Variants in SLC17A4 observed in about 807,000 individuals in gnomAD.
The protein encoded by SLC17A4 is probable small intestine urate exporter.
SLC17A4 carries 33 observed loss-of-function variants against 52.5 expected under a neutral mutation model. The ratio of observed to expected loss-of-function variants is 0.63; its 90% confidence interval spans 0.48 to 0.84. The LOEUF is 0.84. Among genes scored for constraint, SLC17A4 ranks in the 40% least tolerant of loss-of-function variants. The probability of loss-of-function intolerance (pLI) is 0.00; values close to 1 mark genes in which losing one functional copy is unlikely to be tolerated. For missense variants in SLC17A4, 585 were observed against 597.1 expected (o/e 0.98, Z 0.21); for synonymous variants, 225 against 216.2 (o/e 1.04, Z -0.36).
rs1761570032 is a variant in SLC17A4 at position 25,761,904 on chromosome 6, C to A, written c.-36-23C>A. 12 of 1,393,474 alleles carry A rather than the reference C, an allele frequency of 8.6e-6. No homozygotes were observed. The South Asian group carries it at 1.1e-4, about 13-fold the overall frequency. The allele number at this position is 1,393,474 out of a possible 1,614,324, so 86.3% of individuals were successfully genotyped here. ...TCATATAAGATTCTCCCTGTATTTT[C>A]TTTTGTATTCTTTTTATTTCAGTAA... On this transcript the variant is annotated intron_variant, in intron 1 of 11. Transcript: ENST00000377905.
At chr6:25,775,382 T>A (rs1468359288) in intron 8 of SLC17A4, among the ~76,000 whole-genome samples, 2 of 151,854 alleles carry the variant, frequency 1.3e-5, no homozygotes, top group African/African-American at 4.8e-5. Context: ...CTGTTCCTAA[T>A]CTGCCCTGTC....
At position 25,773,367 on chromosome 6, in the gene SLC17A4, T is replaced by C. The variant is rs200697427; in HGVS notation, c.799T>C (p.Tyr267His). The C allele has an allele frequency of 1.9e-5, 31 of 1,613,964 alleles. No individual in the cohort carries two copies. The highest frequency in any genetic ancestry group is 8.5e-6 in the Non-Finnish European group (10 of 1,179,866). ...HPFISAGEKR[Y>H]IVCSLAQQDC... is the part of the protein sequence containing the mutation. ...CTTTATCAGTGCTGGTGAGAAGAGA[T>C]ACATTGTGTGTTCATTGGCTCAGCA... Residue 267 changes from tyrosine to histidine, a missense_variant, in exon 7 of 12, where the codon TAC (tyrosine) becomes CAC (histidine). Transcript: ENST00000377905.
chr6:25,776,636 C>A lies in SLC17A4; in HGVS notation c.1029C>A (p.Ile343=). 1 of 1,613,314 alleles carries A rather than the reference C, an allele frequency of 6.2e-7. No homozygotes were observed. The highest frequency in any genetic ancestry group is 8.5e-7 in the Non-Finnish European group (1 of 1,179,564). ...CCTTGCCGTTTGTTGTTGGATGTAT[C>A]TGCATTATCCTTGGAGGTCTACTGG... ...LSALPFVVGC[I]CIILGGLLAD... Residue 343 remains isoleucine (I), a synonymous_variant, in exon 9 of 12, where the codon ATC becomes ATA. Transcript: ENST00000377905.
At chr6:25,759,904 C>A (rs907097550) in intron 1 of SLC17A4, among the ~76,000 whole-genome samples, 5 of 152,128 alleles carry the variant, frequency 3.3e-5, no homozygotes, top group African/African-American at 9.7e-5. Context: ...TTTAACTATG[C>A]AAATATTAAA....
chr6:25,779,242 C>T lies in SLC17A4; in HGVS notation c.*54C>T, dbSNP rs1246295815. 23 of 1,602,574 alleles carry T rather than the reference C, an allele frequency of 1.4e-5. 1 individual carries two copies. Among genetic ancestry groups the T allele is most frequent in the South Asian group, 2.2e-5 (2 of 89,542 alleles). ...TGCTTAGTTCATCATTGTTTTCCCT[C>T]ACAGACATTTCTCTTTCATGCCTGC... is the stretch of plus-strand genomic sequence containing the variant. On this transcript the variant is annotated 3_prime_UTR_variant, in exon 12 of 12. Coordinates refer to ENST00000377905, the MANE Select transcript of SLC17A4 (RefSeq NM_005495.3).
chr6:25,770,994 T>TA lies in SLC17A4; in HGVS notation c.689dup (p.Tyr230Ter). 1 of 1,613,726 alleles carries TA rather than the reference T, an allele frequency of 6.2e-7. No homozygotes were observed. Among genetic ancestry groups the TA allele is most frequent in the Non-Finnish European group, 8.5e-7 (1 of 1,179,666 alleles). ...CCTCTGCCAGACCATAGGATGGCCT[T>TA]ACGTCTTCTATATCTTTGGTGAGTG... The part of the protein sequence containing the change: ...GLLCQTIGWP[Y>*]VFYIFGGIGC... Residue 230 changes from tyrosine (Y) to a stop codon, truncating the protein, a stop_gained and frameshift_variant, in exon 6 of 12, where the codon TAC becomes TAAC. Transcript: ENST00000377905. LOFTEE classifies it high-confidence loss of function.
At chr6:25,756,384 T>C (rs888352913) in intron 1 of SLC17A4, among the ~76,000 whole-genome samples, 1 of 152,162 alleles carries the variant, frequency 6.6e-6, no homozygotes, top group South Asian at 2.1e-4. Flanking sequence ...ACAACCACAC[T>C]AGGTAAGTGG....
chr6:25,770,395 A>T lies in SLC17A4; in HGVS notation c.543A>T (p.Leu181Phe). The T allele has an allele frequency of 6.2e-7, 1 of 1,614,100 alleles. No individual in the cohort carries two copies. The highest frequency in any genetic ancestry group is 1.3e-5 in the African/African-American group (1 of 75,046). The stretch of plus-strand genomic sequence containing the variant: ...ATTTTTCCCCCCAGGTTATGGTATT[A>T]ACTGGTCAGTATTCAATTTGGGTCA... ...IVQGIAQVMV[L>F]TGQYSIWVKW... Residue 181 changes from leucine to phenylalanine, a missense_variant, in exon 5 of 12, where the codon TTA (leucine) becomes TTT (phenylalanine). Physicochemically the swap from Leu to Phe is conservative, Grantham distance 22. Coordinates refer to ENST00000377905, the MANE Select transcript of SLC17A4 (RefSeq NM_005495.3).
chr6:25,778,064 G>C (rs2151465162), intron 11 of SLC17A4, 48 bp downstream of exon 11: 2 of 1,504,396 alleles, frequency 1.3e-6, no homozygotes. Flanking sequence ...ACCTATAGAG[G>C]CATGGTTTTT....
intron 1 of SLC17A4, among the ~76,000 whole-genome samples, chr6:25,757,292 C>G (rs1761103036): frequency 6.6e-6 from 1 of 151,996 alleles, no homozygotes; most frequent in Non-Finnish European, 1.5e-5. Context: ...AAGAATAGTC[C>G]TTCACAGAGA....
chr6:25,776,782 G>C, intron 9 of SLC17A4, 30 bp from the exon 10 acceptor site: 1 of 1,613,962 alleles, frequency 6.2e-7, no homozygotes, highest in Non-Finnish European at 8.5e-7. Flanking sequence ...GCAGCCTTCA[G>C]TTTACTCTGT....
chr6:25,772,231 C>G (rs1156582562), intron 6 of SLC17A4, among the ~76,000 whole-genome samples: 1 of 152,134 alleles, frequency 6.6e-6, no homozygotes, highest in African/African-American at 2.4e-5. Flanking sequence ...TTTCAAGAAA[C>G]AGTAAGGAGC....
intron 3 of SLC17A4, among the ~76,000 whole-genome samples, chr6:25,769,516 C>T (rs1461820084): frequency 1.3e-5 from 2 of 151,134 alleles, no homozygotes; most frequent in African/African-American, 4.9e-5. Context: ...GGAGATCGTG[C>T]CACTGCACTC....
At chr6:25,778,697 G>A (rs549048624) in intron 11 of SLC17A4, among the ~76,000 whole-genome samples, 1 of 152,314 alleles carries the variant, frequency 6.6e-6, no homozygotes, top group South Asian at 2.1e-4. Context: ...AATAGCAAAT[G>A]CTTAGCAAAT....
Position 25,773,366 on chromosome 6 carries a change from A to G in SLC17A4, c.798A>G (p.Arg266=). Residue 266 remains arginine (R), a synonymous_variant, in exon 7 of 12, where the codon AGA becomes AGG. Coordinates refer to ENST00000377905, the MANE Select transcript of SLC17A4 (RefSeq NM_005495.3). Reference sequence around the variant, plus strand: ...CCTTTATCAGTGCTGGTGAGAAGAGATACATTGTGTGTTCATTGGCTCAGC... The same window carrying G: ...CCTTTATCAGTGCTGGTGAGAAGAGGTACATTGTGTGTTCATTGGCTCAGC... ...NHPFISAGEK[R]YIVCSLAQQD... 1 of 1,613,882 alleles carries G rather than the reference A, an allele frequency of 6.2e-7. No homozygotes were observed. Among genetic ancestry groups the G allele is most frequent in the Non-Finnish European group, 8.5e-7 (1 of 1,179,856 alleles).
chr6:25,776,553 G>C (rs371906654), intron 8 of SLC17A4, 42 bp from the exon 9 acceptor site: 504 of 1,552,884 alleles, frequency 3.2e-4, no homozygotes, highest in Non-Finnish European at 4.1e-4. Context: ...CGTGGTGGGG[G>C]TGGTAAGGGC....
intron 2 of SLC17A4, among the ~76,000 whole-genome samples, chr6:25,765,829 A>G (rs1309562732): frequency 6.6e-6 from 1 of 152,146 alleles, no homozygotes; most frequent in Non-Finnish European, 1.5e-5. Context: ...GACAACTTAT[A>G]GAAAATAATG....
At position 25,776,959 on chromosome 6, in the gene SLC17A4, G is replaced by T. The variant is rs765869516; in HGVS notation, c.1268G>T (p.Arg423Leu). Residue 423 changes from arginine (R) to leucine (L), a missense_variant and splice_region_variant, in exon 10 of 12, where the codon CGG becomes CTG. Coordinates refer to ENST00000377905, the MANE Select transcript of SLC17A4 (RefSeq NM_005495.3). ...GTTAACTTCTTGGATATTGCTCCTC[G>T]GTAGGGACCTCTTTTGCCTCATCCT... ...ALVNFLDIAPRYTGFLKGLLQ... is the reference protein window; with the variant it reads ...ALVNFLDIAPLYTGFLKGLLQ... 1 of 1,608,632 alleles carries T rather than the reference G, an allele frequency of 6.2e-7. No individual in the cohort carries two copies. Among genetic ancestry groups the T allele is most frequent in the Non-Finnish European group, 8.5e-7 (1 of 1,176,992 alleles).
intron 3 of SLC17A4, 39 bp downstream of exon 3, chr6:25,769,229 A>G: frequency 1.3e-6 from 2 of 1,548,506 alleles, no homozygotes; most frequent in Non-Finnish European, 1.8e-6. Context: ...CTTTGACTCA[A>G]ATAATTTGAC....
Sources: gnomAD v4.1 joint callset for allele counts (sites outside exome capture counted in the v4.1 genomes callset) on GRCh38, gnomAD v4.1.1 for gene constraint, MANE v1.5 for transcripts, NCBI Gene and HGNC (gene_info 2026-07-23, HGNC 2026-07-21) for gene names.